PCSK5: variants seen among roughly 807,000 people sequenced by gnomAD.
The protein encoded by PCSK5 is prohormone convertase 5.
In PCSK5, 129 loss-of-function variants were observed where a neutral mutation model predicts 233.2. The ratio of observed to expected loss-of-function variants is 0.55; its 90% CI spans 0.48 to 0.64. The LOEUF is 0.64. PCSK5 is among the 30% of genes least tolerant of loss of function. The probability of loss-of-function intolerance (pLI) is 0.00; values close to 1 mark genes in which losing one functional copy is unlikely to be tolerated. For missense variants in PCSK5, 2,076 were observed against 2,430.1 expected, an observed-to-expected ratio of 0.85 and a Z score of 3.06; for synonymous variants, 825 against 879.2, an observed-to-expected ratio of 0.94 and a Z score of 1.09.
At chr9:76,244,339 A>C (rs191212591) in intron 24 of PCSK5, among the ~76,000 whole-genome samples, 10 of 152,308 alleles carry the variant, frequency 6.6e-5, no homozygotes, top group Non-Finnish European at 1.5e-4. Flanking sequence ...GATAAATACA[A>C]ACTTGAAAAA....
chr9:76,205,137 G>A (rs939623452), intron 20 of PCSK5: 3 of 518,744 alleles, frequency 5.8e-6, no homozygotes, highest in Non-Finnish European at 1.2e-5. Context: ...CTCATTGTCA[G>A]GTATTTTTTC....
At chr9:76,182,960 CAG>C (rs1024176615) in intron 16 of PCSK5, among the ~76,000 whole-genome samples, 2 of 152,180 alleles carry the variant, frequency 1.3e-5, no homozygotes, top group African/African-American at 4.8e-5. Flanking sequence ...CTCTGTGAGG[CAG>C]AGAGGGTCTT....
chr9:76,197,687 T>C (rs1026944985), intron 20 of PCSK5, among the ~76,000 whole-genome samples: 20 of 142,092 alleles, frequency 1.4e-4, no homozygotes, highest in African/African-American at 5.0e-4. Context: ...AAACTATGGC[T>C]CAGCCAATTT....
intron 4 of PCSK5, among the ~76,000 whole-genome samples, chr9:76,024,780 T>G (rs1828347673): frequency 6.6e-6 from 1 of 152,218 alleles, no homozygotes; most frequent in African/African-American, 2.4e-5. Flanking sequence ...TTCTTTATGT[T>G]GGACCTGGTG....
At chr9:75,908,734 G>T (rs1822523471) in intron 1 of PCSK5, among the ~76,000 whole-genome samples, 1 of 152,020 alleles carries the variant, frequency 6.6e-6, no homozygotes, top group African/African-American at 2.4e-5. Context: ...ACTTCCTATG[G>T]CTAAAACCTC....
intron 22 of PCSK5, among the ~76,000 whole-genome samples, chr9:76,236,683 G>C (rs1471028803): frequency 6.6e-6 from 1 of 152,128 alleles, no homozygotes; most frequent in Non-Finnish European, 1.5e-5. Flanking sequence ...GGAAAAGCTG[G>C]TCATGGCCAA....
intron 3 of PCSK5, among the ~76,000 whole-genome samples, chr9:76,006,422 AT>A (rs756304788): frequency 6.6e-6 from 1 of 152,092 alleles, no homozygotes; most frequent in Non-Finnish European, 1.5e-5. Flanking sequence ...TTGTATTATT[AT>A]TTTAATGATT....
intron 24 of PCSK5, among the ~76,000 whole-genome samples, chr9:76,273,017 A>C (rs927371837): frequency 2.6e-5 from 4 of 151,886 alleles, no homozygotes; most frequent in African/African-American, 7.3e-5. Flanking sequence ...ACTATGCTAT[A>C]TTTTGAGGTC....
intron 24 of PCSK5, among the ~76,000 whole-genome samples, chr9:76,244,481 G>C (rs1826521834): frequency 6.6e-6 from 1 of 151,754 alleles, no homozygotes; most frequent in Non-Finnish European, 1.5e-5. Context: ...ACGATCTCTA[G>C]GGGAGTCAGA....
chr9:76,279,275 G>C (rs1236145627), intron 24 of PCSK5, among the ~76,000 whole-genome samples: 1 of 150,392 alleles, frequency 6.6e-6, no homozygotes, highest in Non-Finnish European at 1.5e-5. Context: ...GTATTCCATG[G>C]TGTACATGTG....
intron 1 of PCSK5, among the ~76,000 whole-genome samples, chr9:75,928,726 C>T (rs182623551): frequency 1.2e-4 from 18 of 147,786 alleles, no homozygotes; most frequent in African/African-American, 4.5e-4. Flanking sequence ...ATCTTGCAAA[C>T]AAAATGAAAG....
intron 1 of PCSK5, among the ~76,000 whole-genome samples, chr9:75,916,325 A>G (rs947769791): frequency 2.6e-5 from 4 of 152,174 alleles, no homozygotes; most frequent in African/African-American, 7.2e-5. Flanking sequence ...AAATTACTGA[A>G]TTTAGCGGTG....
chr9:75,914,141 G>A (rs1385153544), intron 1 of PCSK5, among the ~76,000 whole-genome samples: 2 of 152,118 alleles, frequency 1.3e-5, no homozygotes, highest in Non-Finnish European at 2.9e-5. Context: ...ACCTGGAATG[G>A]CTTGGCTGTG....
chr9:75,947,941 A>AAG (rs1394668713), intron 2 of PCSK5, among the ~76,000 whole-genome samples: 2 of 152,086 alleles, frequency 1.3e-5, no homozygotes, highest in African/African-American at 4.8e-5. Flanking sequence ...TCCTGGGCTC[A>AAG]AGTGATCTTC....
chr9:76,349,836 T>C (rs560525613), intron 35 of PCSK5, among the ~76,000 whole-genome samples: 3 of 152,356 alleles, frequency 2.0e-5, no homozygotes, highest in African/African-American at 4.8e-5. Context: ...TATTCCTTGA[T>C]ACCTGCATAG....
At chr9:76,315,641 ACTTT>A (rs1587316473) in intron 30 of PCSK5, among the ~76,000 whole-genome samples, 1 of 139,100 alleles carries the variant, frequency 7.2e-6, no homozygotes. Flanking sequence ...GGAGAAGACT[ACTTT>A]TTTTTTTTTT....
chr9:76,097,192 C>T (rs1365600585), intron 8 of PCSK5, among the ~76,000 whole-genome samples: 1 of 149,016 alleles, frequency 6.7e-6, no homozygotes, highest in Non-Finnish European at 1.5e-5. Flanking sequence ...CTCGGCCTCC[C>T]AAAGTGCTGG....
At position 76,026,191 on chromosome 9, in the gene PCSK5, A is replaced by G. The variant is rs577891174; in HGVS notation, c.556-770A>G. Reference sequence around the variant, plus strand: ...ATAAATTTGATCAATTGTAACTAGTAATTTTTTTTCAGTAATGCAGGTATT... The same window carrying G: ...ATAAATTTGATCAATTGTAACTAGTGATTTTTTTTCAGTAATGCAGGTATT... On this transcript the variant is annotated intron_variant, in intron 4 of 37. Transcript: ENST00000674117. 7.9e-5 allele frequency among the ~76,000 whole-genome samples: 12 copies of G among 152,308 alleles called. No homozygotes were observed. In the South Asian group the frequency reaches 2.5e-3, roughly 32 times the overall value.
intron 3 of PCSK5, among the ~76,000 whole-genome samples, chr9:75,992,806 A>G (rs188765256): frequency 6.6e-6 from 1 of 152,188 alleles, no homozygotes; most frequent in East Asian, 1.9e-4. Flanking sequence ...TTTTTGATGC[A>G]CTACCTCGGA....
Sources: gnomAD v4.1 joint callset for allele counts (sites outside exome capture counted in the v4.1 genomes callset) on GRCh38, gnomAD v4.1.1 for gene constraint, MANE v1.5 for transcripts, NCBI Gene and HGNC (gene_info 2026-07-23, HGNC 2026-07-21) for gene names.